The following HIVEP1 variants were observed in gnomAD, a reference collection of about 807,000 sequenced individuals.
The protein encoded by HIVEP1 is zinc finger protein 40.
In HIVEP1, 36 loss-of-function variants were observed where a neutral mutation model predicts 180.0. The observed-to-expected ratio is 0.20, with a 90% CI of 0.15 to 0.26. The LOEUF is 0.26. Among genes scored for constraint, HIVEP1 ranks in the 10% least tolerant of loss-of-function variants. The pLI is 1.00. For synonymous variants in HIVEP1, 1,239 were observed against 1,239.0 expected (o/e 1.00, Z 0.00); for missense variants, 3,143 against 3,268.7 (o/e 0.96, Z 0.94).
intron 7 of HIVEP1, among the ~76,000 whole-genome samples, chr6:12,155,571 C>T (rs1759988240): frequency 6.6e-6 from 1 of 152,150 alleles, no homozygotes; most frequent in Non-Finnish European, 1.5e-5. Flanking sequence ...CATCTATGTC[C>T]CTGCAAAGGA....
intron 3 of HIVEP1, among the ~76,000 whole-genome samples, chr6:12,102,959 A>C (rs1427056042): frequency 6.6e-6 from 1 of 152,070 alleles, no homozygotes; most frequent in Non-Finnish European, 1.5e-5. Context: ...TTGTATTTTA[A>C]TAATTAGAAT....
In HIVEP1 at chr6:12,063,542, G is replaced by A. The variant is rs1244738922; in HGVS notation, c.41-25642G>A. On this transcript the variant is annotated intron_variant, in intron 2 of 8. Coordinates refer to ENST00000379388, the MANE Select transcript of HIVEP1 (RefSeq NM_002114.4). This position sits in a 1 kb window ranked among gnomAD's most constrained non-coding sequence, Gnocchi z 4.2. The stretch of plus-strand genomic sequence containing the variant: ...CACGTGGAAGGTGGGTTGGAAGGCA[G>A]GGAAGGGCAGGAGCAGATGCCATGC... Among the ~76,000 whole-genome samples, 2 of 152,182 alleles carry A rather than the reference G, an allele frequency of 1.3e-5. No individual in the cohort carries two copies. The highest frequency in any genetic ancestry group is 4.8e-5 in the African/African-American group (2 of 41,442).
intron 7 of HIVEP1, among the ~76,000 whole-genome samples, chr6:12,155,503 T>C (rs1759981078): frequency 3.3e-5 from 5 of 150,416 alleles, no homozygotes; most frequent in Admixed American, 2.7e-4. Context: ...AGTGAAAACA[T>C]GCGGTATTTG....
At chr6:12,105,886 T>C (rs1774393525) in intron 3 of HIVEP1, among the ~76,000 whole-genome samples, 1 of 152,116 alleles carries the variant, frequency 6.6e-6, no homozygotes, top group Non-Finnish European at 1.5e-5. Flanking sequence ...TACATGCTGT[T>C]TGCTTAAGAT....
chr6:12,149,977 T>C (rs1462092326), intron 7 of HIVEP1, among the ~76,000 whole-genome samples: 7 of 152,216 alleles, frequency 4.6e-5, no homozygotes, highest in Non-Finnish European at 1.0e-4. Context: ...ATGGAATAAA[T>C]TAGGGGATGT....
At chr6:12,168,320 ATATATAT>A (rs1760807711), downstream of HIVEP1, among the ~76,000 whole-genome samples, 1 of 137,482 alleles carries the variant, frequency 7.3e-6, no homozygotes, top group Non-Finnish European at 1.5e-5. Context: ...TATTATATAC[ATATATAT>A]TATATAATTA....
At chr6:12,193,665 A>G in the HIVEP1 span, among the ~76,000 whole-genome samples, 3 of 152,202 alleles carry the variant, frequency 2.0e-5, no homozygotes, top group Non-Finnish European at 4.4e-5. Flanking sequence ...TTAATCCGCT[A>G]TGTTTTTTAA....
chr6:12,042,298 G>A (rs1769818185), intron 2 of HIVEP1, among the ~76,000 whole-genome samples: 1 of 148,294 alleles, frequency 6.7e-6, no homozygotes, highest in Admixed American at 6.7e-5. Context: ...AGCCAGGATG[G>A]TCTCCATCTC....
intron 7 of HIVEP1, among the ~76,000 whole-genome samples, chr6:12,141,486 A>AC (rs567534927): frequency 6.6e-6 from 1 of 151,904 alleles, no homozygotes; most frequent in African/African-American, 2.4e-5. Flanking sequence ...TAACCAGCTA[A>AC]CATAGTGACG....
At chr6:12,022,633 G>T (rs76235898) in intron 2 of HIVEP1, among the ~76,000 whole-genome samples, 1 of 152,182 alleles carries the variant, frequency 6.6e-6, no homozygotes, top group Non-Finnish European at 1.5e-5. Flanking sequence ...GTAAGCATTT[G>T]CCACAGTGCC....
At chr6:12,027,837 T>C (rs866933636) in intron 2 of HIVEP1, among the ~76,000 whole-genome samples, 3 of 152,374 alleles carry the variant, frequency 2.0e-5, no homozygotes, top group African/African-American at 7.2e-5. Context: ...TCCAATATGT[T>C]TGAATTCTCA....
chr6:12,037,837 A>G (rs995029583), intron 2 of HIVEP1: 1 of 416,048 alleles, frequency 2.4e-6, no homozygotes, highest in Non-Finnish European at 4.3e-6. Flanking sequence ...TAGCGTCCCG[A>G]ATAGCTTGGA....
rs774744689 is a variant in HIVEP1 at position 12,122,900 on chromosome 6, A to G, written c.3105A>G (p.Lys1035=). The G allele has an allele frequency of 1.2e-6, 2 of 1,614,150 alleles. No individual in the cohort carries two copies. The highest frequency in any genetic ancestry group is 4.5e-5 in the East Asian group (2 of 44,892). Residue 1035 remains lysine, a synonymous_variant, in exon 4 of 9, where the codon AAA becomes AAG. Coordinates refer to ENST00000379388, the MANE Select transcript of HIVEP1 (RefSeq NM_002114.4). ...AGATAAGAAAAAGGAGGAAAATGAA[A>G]AGTGTTGGGGATGATGAAGAACTTC... is the stretch of plus-strand genomic sequence containing the variant. ...TPQIRKRRKM[K]SVGDDEELQQ... is the part of the protein sequence containing the mutation.
chr6:12,181,526 T>G, the HIVEP1 span, among the ~76,000 whole-genome samples: 1 of 151,886 alleles, frequency 6.6e-6, no homozygotes, highest in Non-Finnish European at 1.5e-5. Flanking sequence ...TCCTCCCACC[T>G]AAGCCTCCCA....
intron 2 of HIVEP1, among the ~76,000 whole-genome samples, chr6:12,032,863 T>C (rs916876941): frequency 5.3e-5 from 8 of 152,192 alleles, no homozygotes; most frequent in African/African-American, 1.7e-4. Context: ...AAACATACAG[T>C]GTATTTCTTT....
chr6:12,090,735 CTTTTTTTTTTT>C (rs35266647), intron 3 of HIVEP1, among the ~76,000 whole-genome samples: 2 of 82,472 alleles, frequency 2.4e-5, no homozygotes, highest in Non-Finnish European at 2.2e-5. Flanking sequence ...TATAGCCAGC[CTTTTTTTTTTT>C]TTTTTTTTTT....
At chr6:12,129,037 C>T (rs1392042527) in intron 4 of HIVEP1, among the ~76,000 whole-genome samples, 1 of 151,982 alleles carries the variant, frequency 6.6e-6, no homozygotes, top group Admixed American at 6.5e-5. Flanking sequence ...AGAGCAAGAC[C>T]CCCATTTCTA....
intron 2 of HIVEP1, among the ~76,000 whole-genome samples, chr6:12,041,326 G>T (rs1185979242): frequency 1.4e-4 from 21 of 150,692 alleles, no homozygotes; most frequent in Non-Finnish European, 1.2e-4. Context: ...GGAGGCTGAG[G>T]CAGGAGAATG....
intron 2 of HIVEP1, chr6:12,037,800 A>G: frequency 4.5e-6 from 2 of 447,220 alleles, no homozygotes; most frequent in South Asian, 1.0e-4. Flanking sequence ...TTCTGGGGAC[A>G]AGCTAAGGCT....
Sources: allele counts gnomAD v4.1 joint callset (sites outside exome capture counted in the v4.1 genomes callset), GRCh38; gene constraint gnomAD v4.1.1; non-coding constraint Gnocchi (gnomAD v3.1); transcripts MANE v1.5; gene names NCBI Gene and HGNC (gene_info 2026-07-23, HGNC 2026-07-21).